Variants in CALD1 observed in about 807,000 individuals in gnomAD.
CALD1 encodes caldesmon 1.
Under a neutral mutation model 99.9 loss-of-function variants are expected in CALD1, and 33 were observed. The observed-to-expected ratio is 0.33, with a 90% CI of 0.25 to 0.44. The LOEUF (loss-of-function observed/expected upper bound fraction) is 0.44, where lower values mean the gene tolerates loss of function less well. CALD1 is among the 20% of genes least tolerant of loss of function. The probability of loss-of-function intolerance (pLI) is 1.00; values close to 1 mark genes in which losing one functional copy is unlikely to be tolerated. For missense variants in CALD1, 861 were observed against 962.1 expected, an observed-to-expected ratio of 0.89 and a Z score of 1.39; for synonymous variants, 310 against 325.0, an observed-to-expected ratio of 0.95 and a Z score of 0.50.
At chr7:134,861,418 C>T (rs769457660) in intron 2 of CALD1, among the ~76,000 whole-genome samples, 14 of 152,170 alleles carry the variant, frequency 9.2e-5, no homozygotes, top group East Asian at 1.9e-4. Context: ...TGAGTTGCAG[C>T]GATGGCCCAA....
At chr7:134,916,560 G>A (rs1437814327) in intron 3 of CALD1, among the ~76,000 whole-genome samples, 1 of 152,230 alleles carries the variant, frequency 6.6e-6, no homozygotes, top group African/African-American at 2.4e-5. Flanking sequence ...AGGATGCTGA[G>A]AATTCACTCA....
In CALD1 at chr7:134,933,446, T is replaced by C. The variant is rs767233502; in HGVS notation, c.677T>C (p.Met226Thr). ...GAAAGCCAGGAGGAAACAGTGGTAA[T>C]GTCATTAAAAAATGGGCAGATCAGT... ...TTESQEETVVMSLKNGQISSE... is the reference protein window; with the variant it reads ...TTESQEETVVTSLKNGQISSE... The change falls in exon 5 of 15, where the codon ATG becomes ACG. Residue 226 changes from methionine to threonine, a missense_variant. By Grantham distance (81) the Met-to-Thr change is moderately conservative. Transcript: ENST00000361675. 67 of 1,613,536 alleles carry C rather than the reference T, an allele frequency of 4.2e-5. No individual in the cohort carries two copies. Among genetic ancestry groups the C allele is most frequent in the Non-Finnish European group, 5.7e-5 (67 of 1,179,916 alleles).
chr7:134,891,113 T>C lies in CALD1; in HGVS notation c.71+23309T>C, dbSNP rs574497726. Reference sequence around the variant, plus strand: ...TGTTGATCTTGTCAGAATTAGGTTGTATATGCATGTAATACCATGATCAAC... The same window carrying C: ...TGTTGATCTTGTCAGAATTAGGTTGCATATGCATGTAATACCATGATCAAC... On this transcript the variant is annotated intron_variant, in intron 3 of 14. Coordinates refer to ENST00000361675, the MANE Select transcript of CALD1 (RefSeq NM_033138.4). 5.9e-5 allele frequency among the ~76,000 whole-genome samples: 9 copies of C among 152,336 alleles called. No homozygotes were observed. In the South Asian group the frequency reaches 1.5e-3, roughly 25 times the overall value.
At chr7:134,837,340 T>A (rs1799484726) in intron 1 of CALD1, among the ~76,000 whole-genome samples, 1 of 139,248 alleles carries the variant, frequency 7.2e-6, no homozygotes. Flanking sequence ...TTTCTTTCGT[T>A]CTCCTTTTTT....
At chr7:134,888,337 T>C (rs532917116) in intron 3 of CALD1, among the ~76,000 whole-genome samples, 9 of 152,330 alleles carry the variant, frequency 5.9e-5, no homozygotes, top group Admixed American at 5.2e-4. Context: ...TGCCAATGAA[T>C]AGTCATTAGT....
At chr7:134,927,883 T>C (rs1196590953) in intron 3 of CALD1, among the ~76,000 whole-genome samples, 1 of 148,392 alleles carries the variant, frequency 6.7e-6, no homozygotes, top group Non-Finnish European at 1.5e-5. Flanking sequence ...TTAATAATAT[T>C]TATTATTTAA....
intron 2 of CALD1, among the ~76,000 whole-genome samples, chr7:134,858,457 C>G (rs71530956): frequency 0.022 from 3,413 of 152,230 alleles, 41 homozygotes; most frequent in South Asian, 0.029. Context: ...CTTACCACAT[C>G]TTTTCTATGA....
chr7:134,770,048 G>A (rs1796864621), intron 1 of CALD1, among the ~76,000 whole-genome samples: 1 of 152,028 alleles, frequency 6.6e-6, no homozygotes, highest in Non-Finnish European at 1.5e-5. Context: ...ATTTCTTGAT[G>A]TAACCAAATT....
chr7:134,948,261 T>A (rs1380040199), intron 8 of CALD1, among the ~76,000 whole-genome samples: 2 of 149,370 alleles, frequency 1.3e-5, no homozygotes, highest in Non-Finnish European at 3.0e-5. Flanking sequence ...TACATTAGAA[T>A]ATAAAGAGGC....
At chr7:134,750,974 C>T (rs943386242) in intron 1 of CALD1, among the ~76,000 whole-genome samples, 2 of 152,142 alleles carry the variant, frequency 1.3e-5, no homozygotes, top group Non-Finnish European at 2.9e-5. Context: ...CATGCTTCTC[C>T]ATCACTGTAT....
chr7:134,894,882 T>C (rs1264545358), intron 3 of CALD1, among the ~76,000 whole-genome samples: 1 of 152,172 alleles, frequency 6.6e-6, no homozygotes, highest in Non-Finnish European at 1.5e-5. Context: ...CTGTAAATAT[T>C]TGTTTTAGTC....
intron 1 of CALD1, among the ~76,000 whole-genome samples, chr7:134,807,921 C>A (rs541497655): frequency 1.3e-5 from 2 of 152,158 alleles, no homozygotes; most frequent in African/African-American, 4.8e-5. Flanking sequence ...AGCCACCGTG[C>A]CCGGCCGATT....
intron 1 of CALD1, among the ~76,000 whole-genome samples, chr7:134,780,462 T>A (rs986319566): frequency 2.6e-5 from 4 of 152,234 alleles, no homozygotes; most frequent in Non-Finnish European, 4.4e-5. Flanking sequence ...TTTAACGTCC[T>A]ACCAAACTAT....
intron 1 of CALD1, among the ~76,000 whole-genome samples, chr7:134,835,149 CTA>C (rs1474648098): frequency 6.6e-6 from 1 of 152,200 alleles, no homozygotes; most frequent in Non-Finnish European, 1.5e-5. Context: ...GGAATGACAT[CTA>C]GTGAATTTTT....
rs116204007 is a variant in CALD1 at position 134,865,350 on chromosome 7, A to C, written c.-41-2343A>C. Among the ~76,000 whole-genome samples, 690 of 137,596 alleles carry C rather than the reference A, an allele frequency of 5.0e-3. 4 individuals carry two copies. The highest frequency in any genetic ancestry group is 0.017 in the African/African-American group (666 of 38,164). 90.3% of individuals were successfully genotyped at this position (137,596 alleles called of 152,430 possible). A position where few individuals can be genotyped will look rare whatever the true frequency, so the allele number is the denominator to read the frequency against. On this transcript the variant is annotated intron_variant, in intron 2 of 14. Coordinates refer to ENST00000361675, the MANE Select transcript of CALD1 (RefSeq NM_033138.4). The stretch of plus-strand genomic sequence containing the variant: ...AACACATACAGCTTCTCTCCCCCAC[A>C]CAAGACACACACACCACCGAGAGTC...
chr7:134,813,845 A>G (rs1439749577), intron 1 of CALD1, among the ~76,000 whole-genome samples: 1 of 152,142 alleles, frequency 6.6e-6, no homozygotes, highest in African/African-American at 2.4e-5. Flanking sequence ...TGCTTGCTAC[A>G]TGGAGAGCAG....
intron 4 of CALD1, among the ~76,000 whole-genome samples, chr7:134,930,498 T>C (rs997572603): frequency 6.6e-6 from 1 of 152,196 alleles, no homozygotes; most frequent in Non-Finnish European, 1.5e-5. Flanking sequence ...GGTCCTGGCC[T>C]CCTTAACCCA....
chr7:134,819,004 C>A (rs1798666697), intron 1 of CALD1, among the ~76,000 whole-genome samples: 3 of 152,304 alleles, frequency 2.0e-5, no homozygotes, highest in Middle Eastern at 3.4e-3. Context: ...TCCAAATTGG[C>A]CACGCTAAAC....
At chr7:134,739,950 C>T (rs1385607685), upstream of CALD1, among the ~76,000 whole-genome samples, 1 of 150,202 alleles carries the variant, frequency 6.7e-6, no homozygotes, top group African/African-American at 2.5e-5. Context: ...CACTGATAAT[C>T]TAGATGTAGA....
Sources: allele counts gnomAD v4.1 joint callset (sites outside exome capture counted in the v4.1 genomes callset), GRCh38; gene constraint gnomAD v4.1.1; transcripts MANE v1.5; gene names NCBI Gene and HGNC (gene_info 2026-07-23, HGNC 2026-07-21).